The following DLGAP1 variants were observed in gnomAD, a reference collection of about 807,000 sequenced individuals.
DLGAP1 encodes disks large-associated protein 1.
A neutral mutation model predicts 90.8 loss-of-function variants in DLGAP1; 11 were observed. The ratio of observed to expected loss-of-function variants is 0.12; its 90% CI spans 0.08 to 0.20. DLGAP1 has a LOEUF of 0.20. Among genes scored for constraint, DLGAP1 ranks in the 10% least tolerant of loss-of-function variants. The pLI is 1.00. For missense variants in DLGAP1, 1,050 were observed against 1,333.8 expected, an observed-to-expected ratio of 0.79 and a Z score of 3.31; for synonymous variants, 558 against 540.7, an observed-to-expected ratio of 1.03 and a Z score of -0.44.
intron 3 of DLGAP1, among the ~76,000 whole-genome samples, chr18:3,967,797 C>T (rs534655074): frequency 6.6e-6 from 1 of 152,164 alleles, no homozygotes; most frequent in South Asian, 2.1e-4. Context: ...TTATGTATTT[C>T]CACAACTAAG....
intron 1 of DLGAP1, among the ~76,000 whole-genome samples, chr18:4,303,493 GC>G (rs1399316037): frequency 1.3e-5 from 2 of 152,130 alleles, no homozygotes; most frequent in Admixed American, 6.5e-5. Context: ...AGCAGTGAGG[GC>G]CCTAGGATGC....
chr18:4,004,353 G>A lies in DLGAP1; in HGVS notation c.-73+763C>T, dbSNP rs190000411. On this transcript the variant is annotated intron_variant, in intron 3 of 12. Transcript: ENST00000315677. ...ACATGATATAAGTACCTAATCACTC[G>A]GGGAACAGCTACCCCCGAGGCCCTC... Among the ~76,000 whole-genome samples the A allele has an allele frequency of 6.8e-4, 101 of 148,828 alleles. 3 individuals carry two copies. The highest frequency in any genetic ancestry group is 4.0e-3 in the South Asian group (19 of 4,780).
At chr18:3,638,452 T>TA (rs2058805814) in intron 7 of DLGAP1, among the ~76,000 whole-genome samples, 1 of 152,008 alleles carries the variant, frequency 6.6e-6, no homozygotes, top group African/African-American at 2.4e-5. Flanking sequence ...GGTCTTATGA[T>TA]ATTGCCCAGT....
At chr18:3,617,991 C>T (rs1481705631) in intron 7 of DLGAP1, among the ~76,000 whole-genome samples, 3 of 152,110 alleles carry the variant, frequency 2.0e-5, no homozygotes, top group African/African-American at 4.8e-5. Flanking sequence ...GAGCCAAGAT[C>T]GTGCCATTGC....
rs1224936546 is a variant in DLGAP1, at chr18:4,454,656, G to C, written c.-267+350C>G. Among the ~76,000 whole-genome samples, 1 of 151,990 alleles carries C rather than the reference G, an allele frequency of 6.6e-6. No individual in the cohort carries two copies. Among genetic ancestry groups the C allele is most frequent in the Admixed American group, 6.5e-5 (1 of 15,276 alleles). ...CGAATTTGACCGGTGGACATGACCGGGACAGGGGACCGGTGTTCTCCTCCC... is the reference window on the plus strand; with the variant it reads ...CGAATTTGACCGGTGGACATGACCGCGACAGGGGACCGGTGTTCTCCTCCC... On this transcript the variant is annotated intron_variant, in intron 1 of 12. Transcript: ENST00000315677. The surrounding 1 kb of genome is among the most constrained non-coding windows in gnomAD (Gnocchi z 4.7).
At chr18:3,877,770 T>C (rs1426522826) in intron 4 of DLGAP1, among the ~76,000 whole-genome samples, 2 of 152,222 alleles carry the variant, frequency 1.3e-5, no homozygotes, top group Non-Finnish European at 2.9e-5. Flanking sequence ...TTTCATATGC[T>C]AAGTGGATTA....
intron 3 of DLGAP1, among the ~76,000 whole-genome samples, chr18:3,888,296 C>G (rs897970569): frequency 6.6e-6 from 1 of 151,906 alleles, no homozygotes; most frequent in Non-Finnish European, 1.5e-5. Flanking sequence ...GATTTTCATG[C>G]GTTGTGTGCT....
chr18:3,626,548 C>T (rs139317253), intron 7 of DLGAP1, among the ~76,000 whole-genome samples: 3 of 145,500 alleles, frequency 2.1e-5, no homozygotes, highest in African/African-American at 7.7e-5. Context: ...GAGCCGAGAT[C>T]ACACCACTGC....
intron 3 of DLGAP1, among the ~76,000 whole-genome samples, chr18:3,932,917 C>A (rs1376666697): frequency 1.3e-5 from 2 of 152,152 alleles, no homozygotes; most frequent in Non-Finnish European, 2.9e-5. Flanking sequence ...TGCCTGATTC[C>A]TACTGAAGGA....
At chr18:3,845,302 T>C (rs749185098) in intron 4 of DLGAP1, 2 of 1,611,956 alleles carry the variant, frequency 1.2e-6, no homozygotes, top group East Asian at 2.2e-5. Flanking sequence ...CAGCTTTGAT[T>C]TGGTATAGTG....
At chr18:4,065,706 T>A (rs776842568) in intron 2 of DLGAP1, among the ~76,000 whole-genome samples, 3 of 152,090 alleles carry the variant, frequency 2.0e-5, no homozygotes, top group South Asian at 2.1e-4. Context: ...TCCATGCTCA[T>A]GGATAGGAAA....
At chr18:4,201,979 T>G (rs1365731651) in intron 1 of DLGAP1, among the ~76,000 whole-genome samples, 1 of 152,158 alleles carries the variant, frequency 6.6e-6, no homozygotes, top group Non-Finnish European at 1.5e-5. Flanking sequence ...ACTGAGTATC[T>G]ACTCAAAGGA....
At chr18:3,865,356 C>CT (rs1032651295) in intron 4 of DLGAP1, among the ~76,000 whole-genome samples, 1 of 152,124 alleles carries the variant, frequency 6.6e-6, no homozygotes, top group African/African-American at 2.4e-5. Context: ...CACAAGGAGC[C>CT]TTGAGTAAAG....
chr18:4,367,824 G>C (rs1035489366), intron 1 of DLGAP1, among the ~76,000 whole-genome samples: 1 of 151,950 alleles, frequency 6.6e-6, no homozygotes, highest in African/African-American at 2.4e-5. Context: ...ACTCCAGCCT[G>C]GGCGACAGAG....
At chr18:4,199,033 G>A (rs1292827547) in intron 1 of DLGAP1, among the ~76,000 whole-genome samples, 2 of 152,200 alleles carry the variant, frequency 1.3e-5, no homozygotes, top group African/African-American at 2.4e-5. Context: ...AACCTTGTGT[G>A]GTTTTACAAG....
rs1465006178 is a variant in DLGAP1, at chr18:4,087,046, A to AAC, written c.-159+64132_-159+64133dup. On this transcript the variant is annotated intron_variant, in intron 2 of 12. Transcript: ENST00000315677. Reference sequence around the variant, plus strand: ...TGTCTGAGATATATATATATACACAAACACATATATATATACACACACTTA... The same window carrying AAC: ...TGTCTGAGATATATATATATACACAAACACACATATATATATACACACACTTA... 2.5e-3 allele frequency among the ~76,000 whole-genome samples: 276 copies of AAC among 111,932 alleles called. 6 individuals are homozygous for AAC. Among genetic ancestry groups the AAC allele is most frequent in the African/African-American group, 9.1e-3 (261 of 28,808 alleles). 73.4% of individuals were successfully genotyped at this position (111,932 alleles called of 152,430 possible).
chr18:3,724,515 G>A (rs1232234262), intron 7 of DLGAP1, among the ~76,000 whole-genome samples: 2 of 152,112 alleles, frequency 1.3e-5, no homozygotes, highest in African/African-American at 2.4e-5. Flanking sequence ...AGGCCAAGGC[G>A]GGTGGATCAC....
intron 1 of DLGAP1, among the ~76,000 whole-genome samples, chr18:4,306,081 GGAGAGAGAGA>G (rs142976459): frequency 7.0e-6 from 1 of 143,730 alleles, no homozygotes; most frequent in African/African-American, 2.6e-5. Context: ...AGAGGGGGGC[GGAGAGAGAGA>G]GAGAGAGAGA....
Position 3,569,222 on chromosome 18 carries a change from G to A in DLGAP1, c.1966-1641C>T, listed in dbSNP as rs11875679. 4.7e-3 allele frequency among the ~76,000 whole-genome samples: 709 copies of A among 151,564 alleles called. 4 individuals carry two copies. Among genetic ancestry groups the A allele is most frequent in the African/African-American group, 0.016 (674 of 41,388 alleles). On this transcript the variant is annotated intron_variant, in intron 8 of 12. Transcript: ENST00000315677. ...TCACCATGTTGGTCAGGCTGGTCTCGAACTCCTGACCTCGTGATTTGAGTG... is the reference window on the plus strand; with the variant it reads ...TCACCATGTTGGTCAGGCTGGTCTCAAACTCCTGACCTCGTGATTTGAGTG...
Sources: allele counts gnomAD v4.1 joint callset (sites outside exome capture counted in the v4.1 genomes callset), GRCh38; gene constraint gnomAD v4.1.1; non-coding constraint Gnocchi (gnomAD v3.1); transcripts MANE v1.5; gene names NCBI Gene and HGNC (gene_info 2026-07-23, HGNC 2026-07-21).